The following STPG2 variants were observed in gnomAD, a reference collection of about 807,000 sequenced individuals.
STPG2 encodes the protein sperm-tail PG-rich repeat-containing protein 2.
STPG2 carries 56 observed loss-of-function variants against 54.2 expected under a neutral mutation model. The observed-to-expected ratio is 1.03, with a 90% confidence interval of 0.83 to 1.29. STPG2 has a LOEUF of 1.29. Ranked by LOEUF, STPG2 falls within the 50% of genes most tolerant of loss-of-function variation. STPG2 has a pLI of 0.00. For synonymous variants in STPG2, 200 were observed against 181.8 expected, an observed-to-expected ratio of 1.10 and a Z score of -0.81; for missense variants, 596 against 544.9, an observed-to-expected ratio of 1.09 and a Z score of -0.93.
At chr4:97,688,752 G>C (rs1723276639) in intron 10 of STPG2, among the ~76,000 whole-genome samples, 1 of 152,044 alleles carries the variant, frequency 6.6e-6, no homozygotes, top group Non-Finnish European at 1.5e-5. Context: ...AATATAGTAA[G>C]AATCTTATAG....
At chr4:98,043,502 T>A (rs1737028921) in intron 5 of STPG2, among the ~76,000 whole-genome samples, 1 of 152,078 alleles carries the variant, frequency 6.6e-6, no homozygotes, top group African/African-American at 2.4e-5. Context: ...TCCTTGTGGT[T>A]ACCAAGGGGC....
chr4:98,091,864 A>T (rs556666070), intron 5 of STPG2, among the ~76,000 whole-genome samples: 1 of 152,182 alleles, frequency 6.6e-6, no homozygotes, highest in South Asian at 2.1e-4. Context: ...AAGAATATTG[A>T]GGCTTAGAAT....
intron 10 of STPG2, among the ~76,000 whole-genome samples, chr4:97,671,424 C>T (rs1352276370): frequency 1.3e-5 from 2 of 152,182 alleles, no homozygotes; most frequent in Admixed American, 1.3e-4. Flanking sequence ...AAATTTTGCA[C>T]TGTGTAATAA....
At chr4:97,853,514 A>C (rs1729235373) in intron 8 of STPG2, among the ~76,000 whole-genome samples, 1 of 152,194 alleles carries the variant, frequency 6.6e-6, no homozygotes, top group Non-Finnish European at 1.5e-5. Context: ...TTTTTTAGTG[A>C]CACTAAATGT....
chr4:97,740,489 A>G (rs1725187361), intron 9 of STPG2, among the ~76,000 whole-genome samples: 2 of 152,146 alleles, frequency 1.3e-5, no homozygotes, highest in Admixed American at 6.5e-5. Context: ...AAATCTCCTT[A>G]AGCTGATAAG....
chr4:97,889,383 C>T (rs1180603298), intron 8 of STPG2, among the ~76,000 whole-genome samples: 2 of 152,138 alleles, frequency 1.3e-5, no homozygotes, highest in African/African-American at 4.8e-5. Flanking sequence ...TTTATTGCCA[C>T]ATTATTCACA....
At chr4:97,608,876 T>C (rs1733659644) in intron 10 of STPG2, among the ~76,000 whole-genome samples, 1 of 152,078 alleles carries the variant, frequency 6.6e-6, no homozygotes, top group South Asian at 2.1e-4. Flanking sequence ...GGCATGTCGC[T>C]CTCATGAATT....
At chr4:97,637,745 T>G (rs1470660899) in intron 10 of STPG2, among the ~76,000 whole-genome samples, 2 of 152,146 alleles carry the variant, frequency 1.3e-5, no homozygotes. Flanking sequence ...CATTCACAAT[T>G]GCTTCAAAGA....
chr4:97,537,310 A>G (rs1261988582), intron 4 of STPG2, among the ~76,000 whole-genome samples: 1 of 152,200 alleles, frequency 6.6e-6, no homozygotes, highest in Admixed American at 6.5e-5. Context: ...CAAAGCTGTG[A>G]CAGATGGCAC....
intron 4 of STPG2, among the ~76,000 whole-genome samples, chr4:97,476,609 T>G (rs1462176087): frequency 1.3e-5 from 2 of 152,178 alleles, no homozygotes; most frequent in Non-Finnish European, 2.9e-5. Flanking sequence ...GAAATAAGAT[T>G]AGTGTTTTAA....
intron 5 of STPG2, among the ~76,000 whole-genome samples, chr4:98,013,576 T>C (rs1217090847): frequency 7.6e-6 from 1 of 131,546 alleles, no homozygotes; most frequent in Non-Finnish European, 1.6e-5. Context: ...CATCTGGTCC[T>C]GGGCTTTTTT....
intron 5 of STPG2, among the ~76,000 whole-genome samples, chr4:97,981,944 G>T (rs1734694345): frequency 6.6e-6 from 1 of 150,466 alleles, no homozygotes; most frequent in Non-Finnish European, 1.5e-5. Flanking sequence ...GAGTGCAGTG[G>T]CGCGATCTCG....
At chr4:97,930,325 T>C (rs985100785) in intron 8 of STPG2, among the ~76,000 whole-genome samples, 9 of 152,222 alleles carry the variant, frequency 5.9e-5, no homozygotes, top group Non-Finnish European at 1.0e-4. Flanking sequence ...CACATGTAAG[T>C]CTTTAATCAT....
intron 10 of STPG2, among the ~76,000 whole-genome samples, chr4:97,673,440 A>C (rs1722753701): frequency 6.6e-6 from 1 of 152,198 alleles, no homozygotes; most frequent in Non-Finnish European, 1.5e-5. Context: ...CATCATAATT[A>C]GATAAAAAAT....
intron 10 of STPG2, among the ~76,000 whole-genome samples, chr4:97,676,551 A>AAGGAAGGG (rs1722853629): frequency 7.3e-6 from 1 of 136,740 alleles, no homozygotes; most frequent in Admixed American, 7.5e-5. Context: ...GAAAGGAAGG[A>AAGGAAGGG]AGGAAGGAAG....
chr4:97,978,151 A>G (rs1266613517), intron 6 of STPG2, among the ~76,000 whole-genome samples: 1 of 152,194 alleles, frequency 6.6e-6, no homozygotes, highest in Non-Finnish European at 1.5e-5. Context: ...CATTTGACCC[A>G]GCAATTCCAT....
chr4:97,788,994 G>A (rs1726911949), intron 9 of STPG2, among the ~76,000 whole-genome samples: 1 of 151,456 alleles, frequency 6.6e-6, no homozygotes, highest in South Asian at 2.1e-4. Flanking sequence ...TTGTTCCATT[G>A]GGTTTCAAAC....
Position 97,539,376 on chromosome 4 carries a change from A to G in STPG2, c.462+173323T>C, listed in dbSNP as rs543167328. Reference sequence around the variant, plus strand: ...TACCAAGCAAATGGAAAACAAAAAAAGGCAGGGGTTGGAATCCTAGTCTCT... The same window carrying G: ...TACCAAGCAAATGGAAAACAAAAAAGGGCAGGGGTTGGAATCCTAGTCTCT... On this transcript the variant is annotated intron_variant, in intron 4 of 4. Transcript: ENST00000522676. 5.5e-3 allele frequency among the ~76,000 whole-genome samples: 836 copies of G among 152,292 alleles called. 7 individuals are homozygous for G. Among genetic ancestry groups the G allele is most frequent in the Middle Eastern group, 0.02 (6 of 294 alleles).
intron 8 of STPG2, among the ~76,000 whole-genome samples, chr4:97,848,693 G>C (rs1387332196): frequency 1.3e-5 from 2 of 152,066 alleles, no homozygotes; most frequent in East Asian, 3.9e-4. Context: ...GTAAAGAAGG[G>C]ATCCAGTTTC....
Sources: gnomAD v4.1 joint callset for allele counts (sites outside exome capture counted in the v4.1 genomes callset) on GRCh38, gnomAD v4.1.1 for gene constraint, MANE v1.5 for transcripts, NCBI Gene and HGNC (gene_info 2026-07-23, HGNC 2026-07-21) for gene names.